The following NXN variants were observed in gnomAD, a reference collection of about 807,000 sequenced individuals.
NXN encodes the protein nucleoredoxin.
NXN carries 16 observed loss-of-function variants against 48.6 expected under a neutral mutation model. The observed-to-expected ratio is 0.33, with a 90% confidence interval of 0.22 to 0.50. The LOEUF (loss-of-function observed/expected upper bound fraction) is 0.50, where lower values mean the gene tolerates loss of function less well. NXN is among the 20% of genes least tolerant of loss of function. The pLI is 0.98. For missense variants in NXN, 492 were observed against 605.5 expected (o/e 0.81, Z 1.97); for synonymous variants, 281 against 269.6 (o/e 1.04, Z -0.41).
At chr17:904,345 C>T (rs554138230) in intron 1 of NXN, among the ~76,000 whole-genome samples, 10 of 152,236 alleles carry the variant, frequency 6.6e-5, no homozygotes, top group African/African-American at 1.2e-4. Flanking sequence ...TATGGTGCCC[C>T]GTGGCCACGA....
rs758326908 is a variant in NXN, at chr17:805,256, A to G, written c.821-9T>C. 9 of 1,602,624 alleles carry G rather than the reference A, an allele frequency of 5.6e-6. No homozygotes were observed. Among genetic ancestry groups the G allele is most frequent in the Non-Finnish European group, 7.7e-6 (9 of 1,173,442 alleles). The stretch of plus-strand genomic sequence containing the variant: ...GATGAGCGTGGGGATGCCTGCAGGG[A>G]AGAGGGGGTGCTTGGCCGCTGGCCC... On this transcript the variant is annotated splice_polypyrimidine_tract_variant and intron_variant, in intron 5 of 7. Transcript: ENST00000336868.
intron 1 of NXN, among the ~76,000 whole-genome samples, chr17:951,557 C>CTGGGGG (rs1407033979): frequency 0.018 from 51 of 2,844 alleles, no homozygotes; most frequent in African/African-American, 0.073. Flanking sequence ...AAAATGCGAG[C>CTGGGGG]TGGGGGCGGG....
intron 1 of NXN, among the ~76,000 whole-genome samples, chr17:972,239 T>C (rs2069392298): frequency 6.6e-6 from 1 of 151,120 alleles, no homozygotes; most frequent in African/African-American, 2.4e-5. Context: ...AAGGCAGAGG[T>C]CACGGTGAGC....
chr17:818,482 C>G (rs1469596100), intron 5 of NXN, among the ~76,000 whole-genome samples: 2 of 152,162 alleles, frequency 1.3e-5, no homozygotes, highest in Non-Finnish European at 2.9e-5. Context: ...CCCAAAGACT[C>G]TGAGTGATGA....
chr17:876,795 GCA>G (rs1019890796), intron 1 of NXN, among the ~76,000 whole-genome samples: 2 of 152,114 alleles, frequency 1.3e-5, no homozygotes, highest in African/African-American at 4.8e-5. Context: ...TGGAATCCCA[GCA>G]CTTTGGGAGG....
At chr17:895,017 T>C (rs2144879659) in intron 1 of NXN, among the ~76,000 whole-genome samples, 1 of 109,170 alleles carries the variant, frequency 9.2e-6, no homozygotes, top group East Asian at 2.7e-4. Flanking sequence ...TTTTTTTTTT[T>C]TTTTTTTTTT....
At chr17:957,712 C>A (rs1454533969) in intron 1 of NXN, among the ~76,000 whole-genome samples, 3 of 151,906 alleles carry the variant, frequency 2.0e-5, no homozygotes, top group Non-Finnish European at 4.4e-5. Flanking sequence ...GTCAAAAGCA[C>A]CTGTCTCCTA....
At chr17:945,628 CAAA>C (rs58303386) in intron 1 of NXN, among the ~76,000 whole-genome samples, 4 of 86,612 alleles carry the variant, frequency 4.6e-5, no homozygotes, top group Admixed American at 1.2e-4. Context: ...GACTCCGTCT[CAAA>C]AAAAAAAAAA....
At chr17:815,418 G>A (rs111777351) in intron 5 of NXN, among the ~76,000 whole-genome samples, 9 of 146,130 alleles carry the variant, frequency 6.2e-5, no homozygotes, top group Non-Finnish European at 1.2e-4. Context: ...CGATGAGGGC[G>A]AGTGTCCACT....
chr17:910,409 T>TAAAAA (rs761399476), intron 1 of NXN, among the ~76,000 whole-genome samples: 2 of 137,678 alleles, frequency 1.5e-5, no homozygotes, highest in East Asian at 4.1e-4. Context: ...GAGACTCCAT[T>TAAAAA]AAAAAAAAAA....
intron 1 of NXN, among the ~76,000 whole-genome samples, chr17:926,489 T>TC (rs2144963393): frequency 6.8e-6 from 1 of 147,606 alleles, no homozygotes; most frequent in South Asian, 2.2e-4. Context: ...CCGGCTCTCC[T>TC]CCCCTCTCTT....
chr17:873,749 T>A (rs545070750), intron 1 of NXN, among the ~76,000 whole-genome samples: 18 of 152,138 alleles, frequency 1.2e-4, no homozygotes, highest in Non-Finnish European at 2.5e-4. Context: ...AAAAAATATA[T>A]CCTCCTACAG....
chr17:863,699 G>A (rs1409674090), intron 1 of NXN, among the ~76,000 whole-genome samples: 1 of 151,988 alleles, frequency 6.6e-6, no homozygotes, highest in African/African-American at 2.4e-5. Flanking sequence ...CTGGGCTGAT[G>A]CAATCCTCCT....
intron 1 of NXN, among the ~76,000 whole-genome samples, chr17:834,290 C>G (rs1567823731): frequency 6.6e-6 from 1 of 152,180 alleles, no homozygotes; most frequent in African/African-American, 2.4e-5. Flanking sequence ...TCACTGCACC[C>G]CAGCATGAGT....
rs1033989817 is a variant in NXN, at chr17:830,995, C to T, written c.361-4917G>A. 4.7e-5 allele frequency among the ~76,000 whole-genome samples: 6 copies of T among 128,362 alleles called. No homozygotes were observed. The highest frequency in any genetic ancestry group is 1.8e-4 in the African/African-American group (6 of 33,372). The allele number at this position is 128,362 out of a possible 152,430, so 84.2% of individuals were successfully genotyped here. ...AGCCTGGGCAACAAGAGCGAAACTC[C>T]GTCTCAAAAAAAAAAAAAAAACATG... On this transcript the variant is annotated intron_variant, in intron 1 of 7. Coordinates refer to ENST00000336868, the MANE Select transcript of NXN (RefSeq NM_022463.5). This position sits in a 1 kb window ranked among gnomAD's most constrained non-coding sequence, Gnocchi z 4.2.
chr17:868,750 C>T (rs1380490960), intron 1 of NXN, among the ~76,000 whole-genome samples: 1 of 152,196 alleles, frequency 6.6e-6, no homozygotes, highest in Non-Finnish European at 1.5e-5. Context: ...CCTCGGCCTC[C>T]CAAAGTGCTG....
intron 6 of NXN, among the ~76,000 whole-genome samples, chr17:804,806 G>A (rs940850086): frequency 3.3e-5 from 5 of 152,192 alleles, no homozygotes; most frequent in Non-Finnish European, 7.3e-5. Flanking sequence ...TGGGGGCCCC[G>A]AGGGCATCCT....
intron 1 of NXN, among the ~76,000 whole-genome samples, chr17:927,602 A>T (rs1262932872): frequency 6.8e-5 from 9 of 132,420 alleles, no homozygotes; most frequent in African/African-American, 2.7e-5. Flanking sequence ...AAAAAAAAGC[A>T]AAAGTAGCCA....
intron 1 of NXN, among the ~76,000 whole-genome samples, chr17:940,774 T>A (rs1445344283): frequency 2.8e-5 from 4 of 143,910 alleles, no homozygotes; most frequent in Admixed American, 1.4e-4. Context: ...TCAGATCACA[T>A]CTCCCTGGAT....
Sources: gnomAD v4.1 joint callset for allele counts (sites outside exome capture counted in the v4.1 genomes callset) on GRCh38, gnomAD v4.1.1 for gene constraint, Gnocchi (gnomAD v3.1) non-coding constraint, MANE v1.5 for transcripts, NCBI Gene and HGNC (gene_info 2026-07-23, HGNC 2026-07-21) for gene names.